Variants in PLD5 observed in about 807,000 individuals in gnomAD.
PLD5 encodes inactive phospholipase D5.
PLD5 carries 36 observed loss-of-function variants against 61.1 expected under a neutral mutation model. The observed-to-expected ratio is 0.59, with a 90% CI of 0.45 to 0.78. The LOEUF is 0.78. PLD5 is among the 30% of genes least tolerant of loss of function. The pLI is 0.00. For synonymous variants in PLD5, 243 were observed against 242.8 expected, an observed-to-expected ratio of 1.00 and a Z score of -0.01; for missense variants, 515 against 644.4, an observed-to-expected ratio of 0.80 and a Z score of 2.17.
At chr1:242,208,895 C>G (rs1669617966) in intron 5 of PLD5, among the ~76,000 whole-genome samples, 1 of 152,194 alleles carries the variant, frequency 6.6e-6, no homozygotes, top group African/African-American at 2.4e-5. Flanking sequence ...CCTGTTTGTT[C>G]TAATTATGCT....
intron 2 of PLD5, among the ~76,000 whole-genome samples, chr1:242,301,846 T>C (rs1404287014): frequency 6.6e-6 from 1 of 151,380 alleles, no homozygotes; most frequent in Non-Finnish European, 1.5e-5. Context: ...GGTGAGATCT[T>C]GGCTCACTGC....
At chr1:242,512,521 C>G (rs1322934974) in intron 1 of PLD5, among the ~76,000 whole-genome samples, 4 of 152,112 alleles carry the variant, frequency 2.6e-5, no homozygotes, top group East Asian at 1.9e-4. Context: ...AGGGCAGAAG[C>G]TAAATAATGA....
At chr1:242,287,337 C>A (rs1332748375) in intron 3 of PLD5, among the ~76,000 whole-genome samples, 1 of 152,186 alleles carries the variant, frequency 6.6e-6, no homozygotes, top group African/African-American at 2.4e-5. Context: ...GATACTATTT[C>A]TTTAAACCAC....
At chr1:242,131,324 A>C (rs1360357252) in intron 5 of PLD5, among the ~76,000 whole-genome samples, 4 of 152,010 alleles carry the variant, frequency 2.6e-5, no homozygotes, top group Non-Finnish European at 4.4e-5. Flanking sequence ...AACAGCAAAA[A>C]AACTCAAGTT....
chr1:242,119,911 A>G (rs1269145226), intron 6 of PLD5, among the ~76,000 whole-genome samples: 1 of 152,226 alleles, frequency 6.6e-6, no homozygotes, highest in African/African-American at 2.4e-5. Context: ...GCCAAGAAAT[A>G]GTAGTAGTAC....
At position 242,254,212 on chromosome 1, in the gene PLD5, T is replaced by C. The variant is rs1672881532; in HGVS notation, c.607+11125A>G. 6.6e-5 allele frequency among the ~76,000 whole-genome samples: 10 copies of C among 151,998 alleles called. No homozygotes were observed. The South Asian group carries it at 2.1e-3, about 32-fold the overall frequency. ...CACAAATAGTACACACTTGGGTAAA[T>C]TAAGGCAACAGCTATAGTGGATGTC... On this transcript the variant is annotated intron_variant, in intron 4 of 9. Transcript: ENST00000536534.
At chr1:242,392,638 A>T (rs2149265741) in intron 1 of PLD5, among the ~76,000 whole-genome samples, 1 of 152,236 alleles carries the variant, frequency 6.6e-6, no homozygotes, top group East Asian at 1.9e-4. Context: ...CCCCTCTCTC[A>T]GTGCCTCATG....
intron 2 of PLD5, among the ~76,000 whole-genome samples, chr1:242,335,238 A>G (rs891434275): frequency 7.2e-5 from 11 of 152,088 alleles, no homozygotes; most frequent in Admixed American, 4.6e-4. Context: ...AGATTATTTA[A>G]TAATGTTTAA....
chr1:242,146,767 A>G (rs535430980), intron 5 of PLD5, among the ~76,000 whole-genome samples: 61 of 152,332 alleles, frequency 4.0e-4, no homozygotes, highest in African/African-American at 1.5e-3. Flanking sequence ...GAGGTTACTC[A>G]AGCTTAGTGC....
intron 4 of PLD5, among the ~76,000 whole-genome samples, chr1:242,229,907 T>TAAAAAAAAA (rs60295070): frequency 7.1e-6 from 1 of 140,494 alleles, no homozygotes; most frequent in Non-Finnish European, 1.6e-5. Context: ...AAAATATTGA[T>TAAAAAAAAA]AAAAAAAAAA....
chr1:242,385,530 G>A (rs532458073), intron 1 of PLD5, among the ~76,000 whole-genome samples: 89 of 152,068 alleles, frequency 5.9e-4, no homozygotes, highest in Non-Finnish European at 1.0e-3. Flanking sequence ...TGGGGCCTTC[G>A]CAGCCTCCAT....
intron 1 of PLD5, among the ~76,000 whole-genome samples, chr1:242,398,843 T>C (rs1167594160): frequency 6.6e-6 from 1 of 152,210 alleles, no homozygotes; most frequent in South Asian, 2.1e-4. Flanking sequence ...AGACATGGCA[T>C]GTCACAGAAA....
chr1:242,491,451 C>T (rs1668149485), intron 1 of PLD5, among the ~76,000 whole-genome samples: 1 of 152,182 alleles, frequency 6.6e-6, no homozygotes. Flanking sequence ...CACTGTCAAC[C>T]CTTTACAAGG....
chr1:242,529,080 A>C (rs55649999), upstream of PLD5, among the ~76,000 whole-genome samples: 2 of 152,210 alleles, frequency 1.3e-5, no homozygotes, highest in Non-Finnish European at 2.9e-5. Flanking sequence ...TAAAAACAAC[A>C]TGACTTTCCT....
intron 9 of PLD5, among the ~76,000 whole-genome samples, chr1:242,096,401 G>T (rs1574284866): frequency 6.6e-6 from 1 of 151,986 alleles, no homozygotes; most frequent in Non-Finnish European, 1.5e-5. Flanking sequence ...GAGTGCAATG[G>T]CGCAATCTTG....
At chr1:242,126,740 A>T (rs946898660) in intron 5 of PLD5, among the ~76,000 whole-genome samples, 1 of 152,224 alleles carries the variant, frequency 6.6e-6, no homozygotes, top group Non-Finnish European at 1.5e-5. Flanking sequence ...CCTTCTAGAC[A>T]TTGGCTTAGG....
intron 4 of PLD5, among the ~76,000 whole-genome samples, chr1:242,264,345 C>T (rs537647035): frequency 6.6e-6 from 1 of 152,170 alleles, no homozygotes; most frequent in South Asian, 2.1e-4. Flanking sequence ...GCATAGAAAA[C>T]ATGTGCATGG....
rs571611325 is a variant in PLD5 at position 242,437,141 on chromosome 1, T to G, written c.189+86947A>C. Among the ~76,000 whole-genome samples the G allele has an allele frequency of 3.3e-4, 51 of 152,302 alleles. 1 individual carries two copies. The South Asian group carries it at 9.5e-3, about 28-fold the overall frequency. ...ACAAGATGATCTGTAAGAACTCTAC[T>G]GTTTCAAAATTCTGTGCTTAAAAAT... On this transcript the variant is annotated intron_variant, in intron 1 of 9. Coordinates refer to ENST00000536534, the MANE Select transcript of PLD5 (RefSeq NM_001372062.1).
chr1:242,495,481 G>C (rs1248191899), intron 1 of PLD5, among the ~76,000 whole-genome samples: 10 of 152,068 alleles, frequency 6.6e-5, no homozygotes, highest in Admixed American at 5.2e-4. Flanking sequence ...AGAAACACAA[G>C]CAAAGACGTA....
Sources: allele counts gnomAD v4.1 joint callset (sites outside exome capture counted in the v4.1 genomes callset), GRCh38; gene constraint gnomAD v4.1.1; transcripts MANE v1.5; gene names NCBI Gene and HGNC (gene_info 2026-07-23, HGNC 2026-07-21).